The following ATF7 variants were observed in gnomAD, a reference collection of about 807,000 sequenced individuals.
The protein encoded by ATF7 is activating transcription factor 7.
In ATF7, 10 loss-of-function variants were observed where a neutral mutation model predicts 50.4. The ratio of observed to expected loss-of-function variants is 0.20; its 90% CI spans 0.12 to 0.34. ATF7 has a LOEUF of 0.34. ATF7 is among the 10% of genes least tolerant of loss of function. ATF7 has a pLI of 1.00. For missense variants in ATF7, 465 were observed against 613.9 expected (o/e 0.76, Z 2.56); for synonymous variants, 201 against 226.4 (o/e 0.89, Z 1.01).
chr12:53,600,168 C>G (rs1320400201), intron 2 of ATF7, among the ~76,000 whole-genome samples: 6 of 152,218 alleles, frequency 3.9e-5, no homozygotes, highest in South Asian at 4.1e-4. Context: ...TAGCTGCTAA[C>G]AATGATTTTC....
At chr12:53,539,472 T>C (rs949877040) in intron 4 of ATF7, among the ~76,000 whole-genome samples, 2 of 151,964 alleles carry the variant, frequency 1.3e-5, no homozygotes. Context: ...GGTGGGAGGA[T>C]TGCTTGAGCC....
intron 2 of ATF7, among the ~76,000 whole-genome samples, chr12:53,599,232 G>A (rs953776277): frequency 5.9e-5 from 9 of 151,644 alleles, no homozygotes; most frequent in Admixed American, 2.0e-4. Context: ...TAAAGACAGG[G>A]TCTCACTATA....
At chr12:53,602,466 G>A (rs181371235) in intron 1 of ATF7, among the ~76,000 whole-genome samples, 10 of 152,264 alleles carry the variant, frequency 6.6e-5, no homozygotes, top group Non-Finnish European at 2.9e-5. Context: ...AGTATTTCTC[G>A]TTGTCTAATC....
intron 2 of ATF7, among the ~76,000 whole-genome samples, chr12:53,556,542 A>T (rs1940766344): frequency 6.6e-6 from 1 of 152,236 alleles, no homozygotes; most frequent in African/African-American, 2.4e-5. Context: ...GGTTGCAGTG[A>T]GCCAAGATCG....
rs1938917739 is a variant in ATF7 at position 53,531,836 on chromosome 12, C to T, written c.835G>A (p.Val279Met). 9.3e-6 allele frequency: 15 copies of T among 1,613,546 alleles called. No homozygotes were observed. The highest frequency in any genetic ancestry group is 1.3e-5 in the Non-Finnish European group (15 of 1,179,804). ...SSINGGCGMV[V>M]GTASTMVTAR... Reference sequence around the variant, plus strand: ...GTCACCATGGTGCTGGCAGTACCCACCACCATTCCACAACCACCATTGATT... The same window carrying T: ...GTCACCATGGTGCTGGCAGTACCCATCACCATTCCACAACCACCATTGATT... Residue 279 changes from valine (V) to methionine (M), a missense_variant, in exon 9 of 12, where the codon GTG (valine) becomes ATG (methionine). By Grantham distance (21) the Val-to-Met change is conservative. Transcript: ENST00000420353.
At chr12:53,577,314 A>C (rs1942127805) in intron 2 of ATF7, among the ~76,000 whole-genome samples, 1 of 152,126 alleles carries the variant, frequency 6.6e-6, no homozygotes, top group Admixed American at 6.6e-5. Context: ...AACTTCCAAA[A>C]CTGGAAAGCT....
intron 2 of ATF7, among the ~76,000 whole-genome samples, chr12:53,560,009 G>A (rs1941007146): frequency 6.7e-6 from 1 of 149,368 alleles, no homozygotes; most frequent in Non-Finnish European, 1.5e-5. Context: ...CGCAACCTCC[G>A]CCTCCTGGGT....
chr12:53,625,338 C>G (rs928911837), intron 1 of ATF7, among the ~76,000 whole-genome samples: 3 of 152,176 alleles, frequency 2.0e-5, no homozygotes, highest in Admixed American at 2.0e-4. Context: ...TTCTCCTTCT[C>G]AACCCCCATC....
intron 2 of ATF7, among the ~76,000 whole-genome samples, chr12:53,576,543 T>C (rs1942076465): frequency 1.3e-5 from 2 of 152,192 alleles, no homozygotes; most frequent in South Asian, 2.1e-4. Context: ...CCAACTGCCA[T>C]GTGAGGACAC....
At position 53,532,579 on chromosome 12, in the gene ATF7, A is replaced by G; in HGVS notation, c.705T>C (p.Pro235=). The change falls in exon 8 of 12, where the codon CCT becomes CCC. Residue 235 remains proline (P), a synonymous_variant. Coordinates refer to ENST00000420353, the MANE Select transcript of ATF7 (RefSeq NM_006856.3). The stretch of plus-strand genomic sequence containing the variant: ...AGCCACTACTGTTAACTGGTGGGCC[A>G]GGGATACCAGGAATGTTGGGCACCA... The part of the protein sequence containing the change: ...VSMVPNIPGI[P]GPPVNSSGSI... 6.2e-7 allele frequency: 1 copy of G among 1,610,090 alleles called. No homozygotes were observed. The highest frequency in any genetic ancestry group is 8.5e-7 in the Non-Finnish European group (1 of 1,178,374).
At chr12:53,537,225 C>T (rs548230397) in intron 5 of ATF7, among the ~76,000 whole-genome samples, 190 bp downstream of exon 5, 3 of 152,174 alleles carry the variant, frequency 2.0e-5, no homozygotes, top group African/African-American at 4.8e-5. Flanking sequence ...TGCTCCACCA[C>T]GCCCAGGTAA....
chr12:53,586,301 A>G (rs1942676654), intron 2 of ATF7, among the ~76,000 whole-genome samples: 1 of 152,198 alleles, frequency 6.6e-6, no homozygotes, highest in Admixed American at 6.5e-5. Context: ...AGGAGACTAC[A>G]GTCTCCGTTA....
At chr12:53,571,850 T>G (rs1941783361) in intron 2 of ATF7, among the ~76,000 whole-genome samples, 1 of 152,168 alleles carries the variant, frequency 6.6e-6, no homozygotes, top group Admixed American at 6.5e-5. Flanking sequence ...CCAGATCACC[T>G]GAAGTCAGGA....
downstream of ATF7, among the ~76,000 whole-genome samples, chr12:53,508,427 G>A (rs1428147726): frequency 2.6e-5 from 4 of 151,100 alleles, no homozygotes; most frequent in South Asian, 2.1e-4. Flanking sequence ...GGGCGTGGTG[G>A]TAGGCACCTG....
rs1937741391 is a variant in ATF7, at chr12:53,516,948, C to T, written c.*189G>A. On this transcript the variant is annotated 3_prime_UTR_variant, in exon 12 of 12. Transcript: ENST00000420353. ...CTATGAGGCTCCGGGGCTGGGAGGC[C>T]CCCAGCACAGGTGTCAAACGTACAT... 3.0e-6 allele frequency: 2 copies of T among 676,678 alleles called. No homozygotes were observed. Among genetic ancestry groups the T allele is most frequent in the Non-Finnish European group, 5.0e-6 (2 of 401,112 alleles). 41.9% of individuals were successfully genotyped at this position (676,678 alleles called of 1,614,324 possible).
chr12:53,533,445 G>C (rs1049203319), intron 6 of ATF7, among the ~76,000 whole-genome samples, 186 bp from the exon 7 acceptor site: 5 of 152,170 alleles, frequency 3.3e-5, no homozygotes, highest in Admixed American at 6.5e-5. Context: ...CTTATAGATG[G>C]AGAAAAATGG....
chr12:53,559,220 T>C lies in ATF7; in HGVS notation c.49-6583A>G, dbSNP rs139657064. On this transcript the variant is annotated intron_variant, in intron 2 of 11. Transcript: ENST00000420353. ...ATAAAGTCTTAAGATTTTTTTACTT[T>C]TTTCTTTTTCTTTTTTCTTTTTTTT... Among the ~76,000 whole-genome samples the C allele has an allele frequency of 1.4e-3, 191 of 141,048 alleles. 2 individuals are homozygous for C. The East Asian group carries it at 0.036, about 26-fold the overall frequency. 92.5% of individuals were successfully genotyped at this position (141,048 alleles called of 152,430 possible). A position where few individuals can be genotyped will look rare whatever the true frequency, so the allele number is the denominator to read the frequency against.
At chr12:53,565,980 A>C (rs946514250) in intron 2 of ATF7, among the ~76,000 whole-genome samples, 2 of 152,190 alleles carry the variant, frequency 1.3e-5, no homozygotes, top group Non-Finnish European at 2.9e-5. Context: ...AAGGAGAAGC[A>C]GAGTCACATC....
intron 1 of ATF7, among the ~76,000 whole-genome samples, chr12:53,616,676 C>T (rs989888364): frequency 2.0e-5 from 3 of 152,052 alleles, no homozygotes; most frequent in African/African-American, 7.2e-5. Flanking sequence ...GGTGCGGTGG[C>T]TCATTCCTGT....
Sources: allele counts gnomAD v4.1 joint callset (sites outside exome capture counted in the v4.1 genomes callset), GRCh38; gene constraint gnomAD v4.1.1; transcripts MANE v1.5; gene names NCBI Gene and HGNC (gene_info 2026-07-23, HGNC 2026-07-21).